RASGEF1A: variants seen among roughly 807,000 people sequenced by gnomAD.
The protein encoded by RASGEF1A is RasGEF domain family member 1A, also known as ras-GEF domain-containing family member 1A.
In RASGEF1A, 18 loss-of-function variants were observed where a neutral mutation model predicts 56.4. The ratio of observed to expected loss-of-function variants is 0.32; its 90% CI spans 0.22 to 0.47. RASGEF1A has a LOEUF of 0.47. Ranked by LOEUF, RASGEF1A falls within the 20% of genes least tolerant of loss-of-function variation. The pLI is 1.00. For synonymous variants in RASGEF1A, 245 were observed against 242.6 expected (o/e 1.01, Z -0.09); for missense variants, 422 against 627.1 (o/e 0.67, Z 3.49).
intron 9 of RASGEF1A, among the ~76,000 whole-genome samples, chr10:43,198,709 C>G (rs1223066827): frequency 6.6e-6 from 1 of 152,244 alleles, no homozygotes; most frequent in Non-Finnish European, 1.5e-5. Context: ...GCATTCCACT[C>G]TGGAACTCGC....
intron 3 of RASGEF1A, among the ~76,000 whole-genome samples, chr10:43,203,040 C>G (rs1053445228): frequency 7.5e-5 from 11 of 147,350 alleles, no homozygotes; most frequent in African/African-American, 2.8e-4. Context: ...CCCTGCAGCC[C>G]CAGCTAGGCC....
chr10:43,253,303 C>A (rs552077302), intron 1 of RASGEF1A, among the ~76,000 whole-genome samples: 1 of 152,220 alleles, frequency 6.6e-6, no homozygotes, highest in African/African-American at 2.4e-5. Context: ...CCCAAATCCC[C>A]GGGGAGGGCT....
chr10:43,243,998 T>C (rs1840540095), intron 1 of RASGEF1A, among the ~76,000 whole-genome samples: 1 of 152,204 alleles, frequency 6.6e-6, no homozygotes, highest in Non-Finnish European at 1.5e-5. Context: ...TGTGTCTGTG[T>C]AGAAAGAAGT....
intron 1 of RASGEF1A, among the ~76,000 whole-genome samples, chr10:43,238,093 G>A (rs1484793302): frequency 7.6e-6 from 1 of 131,938 alleles, no homozygotes; most frequent in African/African-American, 2.9e-5. Flanking sequence ...CGCCTTTGGG[G>A]GGCGGAGGGA....
chr10:43,197,753 A>T (rs1257413364), intron 10 of RASGEF1A, among the ~76,000 whole-genome samples: 1 of 152,202 alleles, frequency 6.6e-6, no homozygotes, highest in Non-Finnish European at 1.5e-5. Context: ...ACGGTCCTGG[A>T]TAAATACAAT....
At chr10:43,259,991 C>T (rs1430266098) in intron 1 of RASGEF1A, among the ~76,000 whole-genome samples, 1 of 152,190 alleles carries the variant, frequency 6.6e-6, no homozygotes, top group African/African-American at 2.4e-5. Flanking sequence ...AACATGCTCC[C>T]TAGAGCACGG....
At chr10:43,264,073 C>T (rs1836581320) in intron 1 of RASGEF1A, among the ~76,000 whole-genome samples, 1 of 152,106 alleles carries the variant, frequency 6.6e-6, no homozygotes, top group African/African-American at 2.4e-5. Flanking sequence ...CAGGCCAGGA[C>T]CCCGAGGGGC....
intron 1 of RASGEF1A, 61 bp from the exon 2 acceptor site, chr10:43,206,183 C>T: frequency 7.2e-7 from 1 of 1,392,504 alleles, no homozygotes; most frequent in Non-Finnish European, 9.9e-7. Context: ...CACAGACCCT[C>T]CTCCCAGGCA....
At chr10:43,203,606 G>A in intron 2 of RASGEF1A, 186 bp from the exon 3 acceptor site, 1 of 1,229,050 alleles carries the variant, frequency 8.1e-7, no homozygotes, top group Non-Finnish European at 1.1e-6. Flanking sequence ...CCCCGGCCCT[G>A]CCTACCTAGG....
At chr10:43,204,290 A>C (rs1839960379) in intron 2 of RASGEF1A, among the ~76,000 whole-genome samples, 1 of 152,038 alleles carries the variant, frequency 6.6e-6, no homozygotes, top group Non-Finnish European at 1.5e-5. Flanking sequence ...TTCTTGCCCC[A>C]GCCAGAAGCA....
At position 43,196,394 on chromosome 10, in the gene RASGEF1A, C is replaced by T. The variant is rs1259564349; in HGVS notation, c.1421+82G>A. On this transcript the variant is annotated intron_variant, in intron 12 of 12. Transcript: ENST00000395810. This position sits in a 1 kb window ranked among gnomAD's most constrained non-coding sequence, Gnocchi z 4.6. ...CAGGGACGCGGCAGTGCCCAGGCTC[C>T]CTTTCCAGGAGGGTAACCCTCGTGC... 6.4e-7 allele frequency: 1 copy of T among 1,558,384 alleles called. No homozygotes were observed. Among genetic ancestry groups the T allele is most frequent in the Non-Finnish European group, 8.8e-7 (1 of 1,130,224 alleles).
At chr10:43,208,678 G>T (rs890575312) in intron 1 of RASGEF1A, 1 of 985,452 alleles carries the variant, frequency 1.0e-6, no homozygotes, top group African/African-American at 1.7e-5. Context: ...CTGGGGACAC[G>T]GCCCAGGGCT....
At chr10:43,205,674 C>T (rs1160217399) in intron 2 of RASGEF1A, among the ~76,000 whole-genome samples, 1 of 152,156 alleles carries the variant, frequency 6.6e-6, no homozygotes, top group Non-Finnish European at 1.5e-5. Flanking sequence ...AGGATCATCT[C>T]CTCCTACCTG....
intron 1 of RASGEF1A, among the ~76,000 whole-genome samples, chr10:43,231,162 A>C (rs1286082385): frequency 6.6e-6 from 1 of 152,218 alleles, no homozygotes; most frequent in Non-Finnish European, 1.5e-5. Flanking sequence ...TTGCTTCTGC[A>C]TCTTGTTTCA....
intron 1 of RASGEF1A, among the ~76,000 whole-genome samples, chr10:43,264,561 G>A (rs1836590567): frequency 6.6e-6 from 1 of 151,598 alleles, no homozygotes; most frequent in South Asian, 2.1e-4. Flanking sequence ...TGGAGTGGGT[G>A]GGAGTTACAG....
At chr10:43,214,814 T>C (rs1309512019) in intron 1 of RASGEF1A, among the ~76,000 whole-genome samples, 1 of 152,184 alleles carries the variant, frequency 6.6e-6, no homozygotes, top group African/African-American at 2.4e-5. Flanking sequence ...CGTTAGGAGT[T>C]AGAGTGAGCT....
At chr10:43,238,331 A>G (rs1197890552) in intron 1 of RASGEF1A, among the ~76,000 whole-genome samples, 4 of 152,210 alleles carry the variant, frequency 2.6e-5, no homozygotes, top group African/African-American at 9.7e-5. Context: ...TAGCCATCGC[A>G]GAGTCAGACC....
chr10:43,266,337 A>G (rs1836623330), intron 1 of RASGEF1A, among the ~76,000 whole-genome samples: 1 of 152,120 alleles, frequency 6.6e-6, no homozygotes, highest in Admixed American at 6.5e-5. Flanking sequence ...TCTCCCCCAA[A>G]TGCAGAGCTC....
At chr10:43,224,607 T>A (rs1044914172) in intron 1 of RASGEF1A, among the ~76,000 whole-genome samples, 1 of 152,244 alleles carries the variant, frequency 6.6e-6, no homozygotes, top group African/African-American at 2.4e-5. Context: ...CAGCACACTG[T>A]CCTTGATGAC....
Sources: gnomAD v4.1 joint callset for allele counts (sites outside exome capture counted in the v4.1 genomes callset) on GRCh38, gnomAD v4.1.1 for gene constraint, Gnocchi (gnomAD v3.1) non-coding constraint, MANE v1.5 for transcripts, NCBI Gene and HGNC (gene_info 2026-07-23, HGNC 2026-07-21) for gene names.